The following UGGT1 variants were observed in gnomAD, a reference collection of about 807,000 sequenced individuals.
UGGT1 encodes UDP-glucose glycoprotein glucosyltransferase 1, also known as UDP-glucose:glycoprotein glucosyltransferase 1.
A neutral mutation model predicts 203.9 loss-of-function variants in UGGT1; 107 were observed. The observed-to-expected ratio is 0.52, with a 90% CI of 0.45 to 0.62. UGGT1 has a LOEUF of 0.62. Among genes scored for constraint, UGGT1 ranks in the 20% least tolerant of loss-of-function variants. The pLI is 0.00. For synonymous variants in UGGT1, 628 were observed against 653.5 expected, an observed-to-expected ratio of 0.96 and a Z score of 0.59; for missense variants, 1,673 against 1,867.2, an observed-to-expected ratio of 0.90 and a Z score of 1.92.
Position 128,107,967 on chromosome 2 carries a change from T to G in UGGT1, c.307T>G (p.Leu103Val), listed in dbSNP as rs535841110. The change falls in exon 4 of 41, where the codon TTG becomes GTG. Residue 103 changes from leucine (L) to valine (V), a missense_variant. Coordinates refer to ENST00000259253, the MANE Select transcript of UGGT1 (RefSeq NM_020120.4). ...GTDYSYYHAI[L>V]EAAFQFLSPL... Reference sequence around the variant, plus strand: ...CGATTATTCCTACTATCATGCAATATTGGAGGCTGCATTTCAGTTTCTGTC... The same window carrying G: ...CGATTATTCCTACTATCATGCAATAGTGGAGGCTGCATTTCAGTTTCTGTC... 1 of 1,614,218 alleles carries G rather than the reference T, an allele frequency of 6.2e-7. No individual in the cohort carries two copies. The highest frequency in any genetic ancestry group is 1.1e-5 in the South Asian group (1 of 91,082).
chr2:128,174,162 C>T (rs976142288), intron 30 of UGGT1, among the ~76,000 whole-genome samples: 5 of 151,984 alleles, frequency 3.3e-5, no homozygotes, highest in East Asian at 3.9e-4. Flanking sequence ...CTGAATTGGC[C>T]CCCTGAAAAT....
chr2:128,148,416 G>A (rs1689795699), intron 18 of UGGT1, among the ~76,000 whole-genome samples: 1 of 152,120 alleles, frequency 6.6e-6, no homozygotes, highest in Non-Finnish European at 1.5e-5. Context: ...TTTTTCATGT[G>A]TGGCTTCTGA....
chr2:128,157,279 T>C lies in UGGT1; in HGVS notation c.2288T>C (p.Phe763Ser), dbSNP rs1690283290. ...GATTCTTTTATTAGGCCAGTAACTT[T>C]TTGGATTGTTGGGGATTTTGATAGC... ...YDDSFIRPVT[F>S]WIVGDFDSPS... Residue 763 changes from phenylalanine to serine, a missense_variant, in exon 22 of 41, where the codon TTT (phenylalanine) becomes TCT (serine). Coordinates refer to ENST00000259253, the MANE Select transcript of UGGT1 (RefSeq NM_020120.4). 1 of 1,614,186 alleles carries C rather than the reference T, an allele frequency of 6.2e-7. No individual in the cohort carries two copies. The highest frequency in any genetic ancestry group is 8.5e-7 in the Non-Finnish European group (1 of 1,180,016).
At chr2:128,186,188 A>G (rs1691974258) in intron 38 of UGGT1, among the ~76,000 whole-genome samples, 1 of 152,224 alleles carries the variant, frequency 6.6e-6, no homozygotes, top group Admixed American at 6.5e-5. Flanking sequence ...TGGATCCTCT[A>G]AAATTTGTAG....
chr2:128,150,583 G>T (rs539922896), intron 18 of UGGT1, among the ~76,000 whole-genome samples: 1 of 151,542 alleles, frequency 6.6e-6, no homozygotes, highest in East Asian at 1.9e-4. Context: ...GTGTCTGTGT[G>T]TGCACGCATG....
intron 2 of UGGT1, chr2:128,102,961 A>G: frequency 2.3e-6 from 1 of 434,258 alleles, no homozygotes; most frequent in Non-Finnish European, 4.7e-6. Context: ...TACTACTTTC[A>G]AGGAGGCATT....
At chr2:128,185,368 C>G (rs1355960676) in intron 38 of UGGT1, among the ~76,000 whole-genome samples, 1 of 151,554 alleles carries the variant, frequency 6.6e-6, no homozygotes, top group African/African-American at 2.4e-5. Flanking sequence ...CAGGGTTTCA[C>G]CATGTTGGCC....
chr2:128,181,530 A>G (rs1270690315), intron 36 of UGGT1, among the ~76,000 whole-genome samples: 1 of 152,238 alleles, frequency 6.6e-6, no homozygotes, highest in Non-Finnish European at 1.5e-5. Context: ...ATTTTAGAGC[A>G]TACAAACTCA....
intron 11 of UGGT1, among the ~76,000 whole-genome samples, chr2:128,126,949 C>T (rs148301273): frequency 6.6e-5 from 10 of 152,268 alleles, no homozygotes; most frequent in Admixed American, 5.2e-4. Flanking sequence ...TCCCCAAGTG[C>T]TGAGATTACA....
At position 128,115,020 on chromosome 2, in the gene UGGT1, C is replaced by G. The variant is rs191067704; in HGVS notation, c.697-104C>G. On this transcript the variant is annotated intron_variant, in intron 6 of 40. Transcript: ENST00000259253. ...TTTAAAGATATTTTGAGGGCATAAT[C>G]CGAGGTAATGGCTAGTAGATGCAAC... 2,263 of 941,090 alleles carry G rather than the reference C, an allele frequency of 2.4e-3. 9 individuals carry two copies. The highest frequency in any genetic ancestry group is 2.7e-3 in the Non-Finnish European group (1,620 of 609,476). The allele number at this position is 941,090 out of a possible 1,614,324, so 58.3% of individuals were successfully genotyped here. A position where few individuals can be genotyped will look rare whatever the true frequency, so the allele number is the denominator to read the frequency against.
At chr2:128,107,405 G>T (rs1573502929) in intron 3 of UGGT1, among the ~76,000 whole-genome samples, 1 of 152,084 alleles carries the variant, frequency 6.6e-6, no homozygotes, top group South Asian at 2.1e-4. Flanking sequence ...GCTCAGTTTT[G>T]TTTAGTTTTT....
At chr2:128,109,372 TA>T (rs1016181440) in intron 4 of UGGT1, among the ~76,000 whole-genome samples, 8 of 152,054 alleles carry the variant, frequency 5.3e-5, no homozygotes, top group Non-Finnish European at 1.2e-4. Context: ...CCTAATTTTT[TA>T]TTTTTTTTAT....
Position 128,105,046 on chromosome 2 carries a change from TA to T in UGGT1, c.277+1033del, listed in dbSNP as rs200237631. The stretch of plus-strand genomic sequence containing the variant: ...TTTTCTTCTTTTAAAATTATTTAAT[TA>T]TTATTTTTTTAATACAACGGAGATG... On this transcript the variant is annotated intron_variant, in intron 3 of 40. Coordinates refer to ENST00000259253, the MANE Select transcript of UGGT1 (RefSeq NM_020120.4). 5.2e-3 allele frequency among the ~76,000 whole-genome samples: 780 copies of T among 151,448 alleles called. 12 individuals are homozygous for T. The highest frequency in any genetic ancestry group is 0.017 in the African/African-American group (686 of 41,404).
At chr2:128,103,895 T>G (rs775354155) in intron 2 of UGGT1, 37 bp from the exon 3 acceptor site, 2 of 1,496,752 alleles carry the variant, frequency 1.3e-6, no homozygotes, top group Non-Finnish European at 1.8e-6. Context: ...ATTAGAAAAT[T>G]TTATTAAGTT....
chr2:128,103,787 T>A (rs1456622813), intron 2 of UGGT1, 145 bp from the exon 3 acceptor site: 1 of 324,904 alleles, frequency 3.1e-6, no homozygotes, highest in Non-Finnish European at 5.6e-6. Context: ...ATATATATTA[T>A]ACATAAAAGA....
intron 1 of UGGT1, 28 bp downstream of exon 1, chr2:128,091,443 C>G (rs373175125): frequency 6.4e-7 from 1 of 1,567,520 alleles, no homozygotes. Flanking sequence ...GAGGAGGCCT[C>G]GTGGACAAAG....
intron 1 of UGGT1, among the ~76,000 whole-genome samples, chr2:128,095,344 T>G (rs1687061096): frequency 6.6e-6 from 1 of 150,512 alleles, no homozygotes; most frequent in Admixed American, 6.6e-5. Context: ...TGGGATGTTC[T>G]TCTTCTTCTC....
intron 1 of UGGT1, among the ~76,000 whole-genome samples, chr2:128,096,920 C>T (rs888728354): frequency 1.3e-5 from 2 of 152,120 alleles, no homozygotes; most frequent in African/African-American, 4.8e-5. Context: ...AACCTAAGTG[C>T]CTTCAGTTAC....
chr2:128,102,984 A>C, intron 2 of UGGT1: 1 of 454,294 alleles, frequency 2.2e-6, no homozygotes, highest in Non-Finnish European at 4.5e-6. Context: ...GAAATTTAAT[A>C]TATTATGATA....
Sources: gnomAD v4.1 joint callset for allele counts (sites outside exome capture counted in the v4.1 genomes callset) on GRCh38, gnomAD v4.1.1 for gene constraint, MANE v1.5 for transcripts, NCBI Gene and HGNC (gene_info 2026-07-23, HGNC 2026-07-21) for gene names.